The following CEP63 variants were observed in gnomAD, a reference collection of about 807,000 sequenced individuals.
CEP63 encodes the protein centrosomal protein of 63 kDa.
Under a neutral mutation model 89.1 loss-of-function variants are expected in CEP63, and 84 were observed. The observed-to-expected ratio is 0.94, with a 90% CI of 0.79 to 1.13. The LOEUF (loss-of-function observed/expected upper bound fraction) is 1.13, where lower values mean the gene tolerates loss of function less well. Ranked by LOEUF, CEP63 falls within the 50% of genes most tolerant of loss-of-function variation. CEP63 has a pLI of 0.00. For missense variants in CEP63, 838 were observed against 813.3 expected (o/e 1.03, Z -0.37); for synonymous variants, 267 against 272.5 (o/e 0.98, Z 0.20).
In CEP63 at chr3:134,564,087, A is replaced by G. The variant is rs545496161; in HGVS notation, c.*2552A>G. ...TTCATAGTGCTCACTACTATCTGAA[A>G]TCATTTCATTACTTGATTTATGTTT... is the stretch of plus-strand genomic sequence containing the variant. On this transcript the variant is annotated 3_prime_UTR_variant, in exon 15 of 15. Coordinates refer to ENST00000675561, the MANE Select transcript of CEP63 (RefSeq NM_001353108.3). 79 of 174,456 alleles carry G rather than the reference A, an allele frequency of 4.5e-4. No homozygotes were observed. The South Asian group carries it at 7.1e-3, about 16-fold the overall frequency. 10.8% of individuals were successfully genotyped at this position (174,456 alleles called of 1,614,324 possible). A position where few individuals can be genotyped will look rare whatever the true frequency, so the allele number is the denominator to read the frequency against.
At chr3:134,510,271 T>C (rs898400014) in intron 3 of CEP63, among the ~76,000 whole-genome samples, 1 of 152,236 alleles carries the variant, frequency 6.6e-6, no homozygotes, top group African/African-American at 2.4e-5. Flanking sequence ...AATGACTTTT[T>C]CTATGTATTA....
chr3:134,663,071 A>G, the CEP63 span, among the ~76,000 whole-genome samples: 1 of 152,186 alleles, frequency 6.6e-6, no homozygotes, highest in African/African-American at 2.4e-5. Flanking sequence ...GCAGAACCCC[A>G]GAGAGGAGAG....
chr3:134,585,514 C>T (rs946422225), intron 10 of CEP63, among the ~76,000 whole-genome samples: 2 of 152,154 alleles, frequency 1.3e-5, no homozygotes, highest in Non-Finnish European at 2.9e-5. Flanking sequence ...GAGTGAGTTC[C>T]TTAATCCTGA....
intron 11 of CEP63, chr3:134,574,779 ATT>A: frequency 1.3e-5 from 7 of 538,452 alleles, no homozygotes; most frequent in South Asian, 2.2e-5. Flanking sequence ...AATTTTTTAT[ATT>A]TTTTTTTGTA....
the CEP63 span, among the ~76,000 whole-genome samples, chr3:134,728,434 T>G: frequency 2.0e-5 from 3 of 152,238 alleles, no homozygotes; most frequent in African/African-American, 7.2e-5. Context: ...CTAGCATTAT[T>G]TAGAGGACTA....
At chr3:134,627,671 GAAGC>G in the CEP63 span, 1 of 1,245,292 alleles carries the variant, frequency 8.0e-7, no homozygotes, top group Non-Finnish European at 1.2e-6. Flanking sequence ...AGTGGCCCAG[GAAGC>G]AACTGTCAAT....
At chr3:134,683,160 C>A in the CEP63 span, among the ~76,000 whole-genome samples, 4 of 152,190 alleles carry the variant, frequency 2.6e-5, no homozygotes, top group Non-Finnish European at 5.9e-5. Flanking sequence ...ATATCTGCAC[C>A]ATGAATGCCA....
At chr3:134,749,126 C>G in the CEP63 span, among the ~76,000 whole-genome samples, 1 of 152,164 alleles carries the variant, frequency 6.6e-6, no homozygotes, top group Middle Eastern at 3.2e-3. Context: ...CAGTGGGACT[C>G]GCTGAAGACT....
At chr3:134,557,376 GT>G (rs199930556) in intron 12 of CEP63, among the ~76,000 whole-genome samples, 287 of 101,358 alleles carry the variant, frequency 2.8e-3, no homozygotes, top group East Asian at 0.017. Context: ...TTCATAATTT[GT>G]TTTTTTTTTT....
At chr3:134,736,532 A>G in the CEP63 span, among the ~76,000 whole-genome samples, 2 of 152,192 alleles carry the variant, frequency 1.3e-5, no homozygotes, top group Non-Finnish European at 2.9e-5. Flanking sequence ...CAGAAAATGC[A>G]ATTTAAAAAA....
chr3:134,495,423 G>C (rs780381018), intron 2 of CEP63, 59 bp downstream of exon 2: 198 of 1,073,570 alleles, frequency 1.8e-4, no homozygotes, highest in Non-Finnish European at 2.7e-4. Context: ...CATATTTATA[G>C]GGTTCACATG....
the CEP63 span, among the ~76,000 whole-genome samples, chr3:134,719,718 A>C: frequency 6.6e-6 from 1 of 152,184 alleles, no homozygotes; most frequent in Admixed American, 6.5e-5. Context: ...ATAGAAATGG[A>C]ATCATAAGGT....
intron 3 of CEP63, among the ~76,000 whole-genome samples, chr3:134,530,023 G>A (rs949183919): frequency 2.0e-5 from 3 of 151,670 alleles, no homozygotes; most frequent in African/African-American, 7.3e-5. Context: ...ACAGGCACCC[G>A]CCACCACACC....
At chr3:134,647,200 T>G in the CEP63 span, among the ~76,000 whole-genome samples, 1 of 152,158 alleles carries the variant, frequency 6.6e-6, no homozygotes, top group Non-Finnish European at 1.5e-5. Flanking sequence ...AAATGGGTGC[T>G]CAAGTTCCTG....
chr3:134,686,450 CT>C, the CEP63 span, among the ~76,000 whole-genome samples: 1 of 152,222 alleles, frequency 6.6e-6, no homozygotes, highest in South Asian at 2.1e-4. Context: ...GGTCAGCAGG[CT>C]GAGGTACTGG....
intron 3 of CEP63, among the ~76,000 whole-genome samples, chr3:134,529,407 C>T (rs1949409086): frequency 7.3e-6 from 1 of 137,352 alleles, no homozygotes; most frequent in Non-Finnish European, 1.5e-5. Flanking sequence ...GTGGTGCCAT[C>T]TCAGCTCAGT....
chr3:134,692,848 C>T, the CEP63 span, among the ~76,000 whole-genome samples: 1 of 152,188 alleles, frequency 6.6e-6, no homozygotes, highest in African/African-American at 2.4e-5. Flanking sequence ...CCGTTGGTCA[C>T]CCTAACACTC....
chr3:134,618,422 CT>C, the CEP63 span, among the ~76,000 whole-genome samples: 1 of 152,194 alleles, frequency 6.6e-6, no homozygotes, highest in Admixed American at 6.5e-5. Context: ...CATCCACCCC[CT>C]GGGGAGGGGT....
the CEP63 span, among the ~76,000 whole-genome samples, chr3:134,639,234 C>T: frequency 6.6e-6 from 1 of 152,150 alleles, no homozygotes; most frequent in Admixed American, 6.5e-5. Flanking sequence ...GCAGTGACAT[C>T]CCAGGAATGA....
Sources: gnomAD v4.1 joint callset for allele counts (sites outside exome capture counted in the v4.1 genomes callset) on GRCh38, gnomAD v4.1.1 for gene constraint, MANE v1.5 for transcripts, NCBI Gene and HGNC (gene_info 2026-07-23, HGNC 2026-07-21) for gene names.